KIAA1671: variants seen among roughly 807,000 people sequenced by gnomAD.
KIAA1671 encodes the protein uncharacterized protein KIAA1671.
A neutral mutation model predicts 131.2 loss-of-function variants in KIAA1671; 52 were observed. The ratio of observed to expected loss-of-function variants is 0.40; its 90% CI spans 0.32 to 0.50. KIAA1671 has a LOEUF of 0.50. Ranked by LOEUF, KIAA1671 falls within the 20% of genes least tolerant of loss-of-function variation. The probability of loss-of-function intolerance (pLI) is 0.73; values close to 1 mark genes in which losing one functional copy is unlikely to be tolerated. For missense variants in KIAA1671, 2,360 were observed against 2,364.2 expected, an observed-to-expected ratio of 1.00 and a Z score of 0.04; for synonymous variants, 1,003 against 961.6, an observed-to-expected ratio of 1.04 and a Z score of -0.80.
chr22:25,138,619 G>A (rs1465176875), intron 6 of KIAA1671, among the ~76,000 whole-genome samples: 2 of 152,138 alleles, frequency 1.3e-5, no homozygotes, highest in Non-Finnish European at 2.9e-5. Context: ...CTCATGTACA[G>A]CCCCATCTCT....
At chr22:25,068,209 C>CCGT (rs1928592801) in intron 6 of KIAA1671, among the ~76,000 whole-genome samples, 1 of 151,024 alleles carries the variant, frequency 6.6e-6, no homozygotes, top group African/African-American at 2.4e-5. Flanking sequence ...TCCGACTGTG[C>CCGT]CATCAGGGAG....
rs1319040714 is a variant in KIAA1671 at position 25,177,411 on chromosome 22, C to T, written c.4963C>T (p.Arg1655Cys). The change falls in exon 9 of 13, where the codon CGC becomes TGC. Residue 1655 changes from arginine to cysteine, a missense_variant. Around this residue, in one of 3 missense-constraint regions of KIAA1671, gnomAD observed 1,161 missense variants for 1,204.7 expected, o/e 0.96. Transcript: ENST00000358431. ...TRVQLSKRSRRRAPISHSLRR... is the reference protein window; with the variant it reads ...TRVQLSKRSRCRAPISHSLRR... ...GGTGCAGCTCAGCAAGAGAAGCCGC[C>T]GCCGGGCCCCCATCTCCCACTCCCT... 7 of 1,551,780 alleles carry T rather than the reference C, an allele frequency of 4.5e-6. No individual in the cohort carries two copies. Among genetic ancestry groups the T allele is most frequent in the South Asian group, 3.6e-5 (3 of 84,064 alleles).
At chr22:25,107,403 T>C (rs1284637313) in intron 6 of KIAA1671, among the ~76,000 whole-genome samples, 1 of 137,626 alleles carries the variant, frequency 7.3e-6, no homozygotes, top group African/African-American at 2.7e-5. Context: ...GGCAACAGAG[T>C]GAGACTTCGT....
intron 1 of KIAA1671, among the ~76,000 whole-genome samples, chr22:25,008,862 T>G (rs1376535231): frequency 2.0e-5 from 3 of 152,248 alleles, no homozygotes; most frequent in African/African-American, 7.2e-5. Context: ...TCTCTTCAGC[T>G]ACACAGAGGC....
chr22:25,124,538 A>G (rs959992843), intron 6 of KIAA1671, among the ~76,000 whole-genome samples: 3 of 152,202 alleles, frequency 2.0e-5, no homozygotes, highest in African/African-American at 4.8e-5. Context: ...CTTAGTTTGA[A>G]TGCCAGCTTT....
chr22:25,088,530 T>C (rs1929855508), intron 6 of KIAA1671, among the ~76,000 whole-genome samples: 1 of 152,206 alleles, frequency 6.6e-6, no homozygotes, highest in Admixed American at 6.5e-5. Context: ...GACACATAAA[T>C]GGATACACGT....
rs929984157 is a variant in KIAA1671, at chr22:25,038,826, C to T, written c.1696C>T (p.Arg566Trp). ...AAGCCCCTGGAAGCCTGGGACACTC[C>T]GGGATAAGTCCAGGCAGACGGAGCA... ...PRSPWKPGTL[R>W]DKSRQTEQKV... Residue 566 changes from arginine to tryptophan, a missense_variant, in exon 5 of 13, where the codon CGG (arginine) becomes TGG (tryptophan). Physicochemically the swap from Arg to Trp is moderately radical, Grantham distance 101 (BLOSUM62 -3). Around this residue, in one of 3 missense-constraint regions of KIAA1671, gnomAD observed 1,185 missense variants for 1,126.2 expected, o/e 1.05. Transcript: ENST00000358431. 1.5e-4 allele frequency: 239 copies of T among 1,551,828 alleles called. No individual in the cohort carries two copies. The highest frequency in any genetic ancestry group is 2.0e-4 in the East Asian group (8 of 40,910).
At chr22:25,054,086 G>A (rs1028680323) in intron 6 of KIAA1671, 8 of 149,754 alleles carry the variant, frequency 5.3e-5, no homozygotes, top group African/African-American at 2.0e-4. Context: ...TTGCGTGCCT[G>A]TAATCTCAGC....
At chr22:24,974,845 A>G (rs879784295) in intron 1 of KIAA1671, among the ~76,000 whole-genome samples, 1 of 151,836 alleles carries the variant, frequency 6.6e-6, no homozygotes, top group Non-Finnish European at 1.5e-5. Flanking sequence ...AGTGCACGCC[A>G]TCCTCGCCTG....
intron 6 of KIAA1671, among the ~76,000 whole-genome samples, chr22:25,137,048 G>C (rs1932709370): frequency 6.6e-6 from 1 of 152,290 alleles, no homozygotes; most frequent in South Asian, 2.1e-4. Flanking sequence ...CAGGTGGTGA[G>C]CCTATAGCAG....
intron 11 of KIAA1671, 57 bp downstream of exon 11, chr22:25,185,176 A>G (rs1934432941): frequency 6.8e-7 from 1 of 1,470,326 alleles, no homozygotes; most frequent in Admixed American, 2.5e-5. Context: ...CTATACTTCT[A>G]GAGAGGTGCT....
chr22:25,081,767 C>G (rs1480169005), intron 6 of KIAA1671, among the ~76,000 whole-genome samples: 1 of 152,060 alleles, frequency 6.6e-6, no homozygotes, highest in Admixed American at 6.5e-5. Flanking sequence ...AAAGGTTGCA[C>G]AGAGCCTCTG....
At chr22:25,120,155 C>A (rs915242524) in intron 6 of KIAA1671, among the ~76,000 whole-genome samples, 9 of 152,204 alleles carry the variant, frequency 5.9e-5, no homozygotes, top group African/African-American at 2.2e-4. Flanking sequence ...CCCCATCTCC[C>A]ACTGCCTGTG....
chr22:25,124,252 G>A lies in KIAA1671; in HGVS notation c.4531-46568G>A, dbSNP rs12160424. Among the ~76,000 whole-genome samples, 492 of 152,346 alleles carry A rather than the reference G, an allele frequency of 3.2e-3. 2 individuals carry two copies. Among genetic ancestry groups the A allele is most frequent in the African/African-American group, 0.011 (472 of 41,578 alleles). On this transcript the variant is annotated intron_variant, in intron 6 of 12. Transcript: ENST00000358431. ...AGCTGGGCCATAAACAGCAGCGACCGCTATGCAGAGATATGAGAGCATGGT... is the reference window on the plus strand; with the variant it reads ...AGCTGGGCCATAAACAGCAGCGACCACTATGCAGAGATATGAGAGCATGGT...
At chr22:25,153,487 C>T (rs549439905) in intron 6 of KIAA1671, among the ~76,000 whole-genome samples, 3 of 152,348 alleles carry the variant, frequency 2.0e-5, no homozygotes, top group Admixed American at 6.5e-5. Context: ...GGGGGAATCT[C>T]ACAATATGCA....
chr22:24,982,587 C>T (rs77906065), intron 1 of KIAA1671, among the ~76,000 whole-genome samples: 227 of 152,308 alleles, frequency 1.5e-3, no homozygotes, highest in African/African-American at 5.1e-3. Context: ...GTTTCTTGAG[C>T]GGCCTTTGCT....
intron 4 of KIAA1671, among the ~76,000 whole-genome samples, chr22:25,033,411 A>C (rs951811881): frequency 6.6e-6 from 1 of 152,006 alleles, no homozygotes; most frequent in Non-Finnish European, 1.5e-5. Flanking sequence ...AATGTAAATT[A>C]AAACAAAAAG....
At chr22:25,046,548 G>A (rs932087523) in intron 5 of KIAA1671, among the ~76,000 whole-genome samples, 12 of 135,046 alleles carry the variant, frequency 8.9e-5, no homozygotes, top group South Asian at 6.8e-4. Flanking sequence ...AGAGAGAGAC[G>A]ATTTCACATG....
intron 3 of KIAA1671, 48 bp from the exon 4 acceptor site, chr22:25,032,561 G>T (rs1473332256): frequency 4.9e-6 from 6 of 1,232,846 alleles, no homozygotes; most frequent in Non-Finnish European, 7.0e-6. Context: ...GGGCTGGGGG[G>T]AATAACAGCT....
Sources: gnomAD v4.1 joint callset for allele counts (sites outside exome capture counted in the v4.1 genomes callset) on GRCh38, gnomAD v4.1.1 for gene constraint, gnomAD v4.1.1 regional missense constraint, MANE v1.5 for transcripts, NCBI Gene and HGNC (gene_info 2026-07-23, HGNC 2026-07-21) for gene names.